Variants in FAM83G observed in about 807,000 individuals in gnomAD.
FAM83G encodes scaffolding CK1 anchoring protein G.
Under a neutral mutation model 61.5 loss-of-function variants are expected in FAM83G, and 38 were observed. The ratio of observed to expected loss-of-function variants is 0.62; its 90% CI spans 0.48 to 0.81. The LOEUF (loss-of-function observed/expected upper bound fraction) is 0.81. FAM83G is among the 30% of genes least tolerant of loss of function. The pLI, the probability that FAM83G is intolerant of heterozygous loss-of-function variation, is 0.00. For synonymous variants in FAM83G, 470 were observed against 476.1 expected (o/e 0.99, Z 0.17); for missense variants, 989 against 1,133.6 (o/e 0.87, Z 1.83).
chr17:18,978,088 G>C lies in FAM83G; in HGVS notation c.1578C>G (p.Val526=). The C allele has an allele frequency of 6.6e-7, 1 of 1,516,668 alleles. No individual in the cohort carries two copies. The allele number at this position is 1,516,668 out of a possible 1,614,324, so 94.0% of individuals were successfully genotyped here. A position where few individuals can be genotyped will look rare whatever the true frequency, so the allele number is the denominator to read the frequency against. ...GAGCTTCCTCTTTGGGGAGCTCCAG[G>C]ACCCAGCCAATATCACTGCTGTCCC... is the stretch of plus-strand genomic sequence containing the variant. ...LARDSSDIGW[V]LELPKEEAPQ... Residue 526 remains valine (V), a synonymous_variant, in exon 5 of 6, where the codon GTC becomes GTG. Transcript: ENST00000388995.
chr17:19,003,771 CGGGCCCCTG>C lies in FAM83G; in HGVS notation c.262_270del (p.Gln88_Pro90del). 6.2e-7 allele frequency: 1 copy of C among 1,610,040 alleles called. No homozygotes were observed. The highest frequency in any genetic ancestry group is 8.5e-7 in the Non-Finnish European group (1 of 1,178,786). On this transcript the variant is annotated inframe_deletion, in exon 2 of 6. Coordinates refer to ENST00000388995, the MANE Select transcript of FAM83G (RefSeq NM_001039999.3). This position sits in a 1 kb window ranked among gnomAD's most constrained non-coding sequence, Gnocchi z 4.5. ...TCGCCGTCGCCGACCCCATTGTCCT[CGGGCCCCTG>C]AGAGGGGCCCGTGCCCCGAGGGTCC...
intron 2 of FAM83G, among the ~76,000 whole-genome samples, chr17:18,992,460 A>C (rs1270575703): frequency 6.6e-6 from 1 of 152,064 alleles, no homozygotes; most frequent in Admixed American, 6.5e-5. Flanking sequence ...GGAGAACCCC[A>C]CCTGTGGCCA....
At chr17:19,002,208 A>G (rs1324517449) in intron 2 of FAM83G, among the ~76,000 whole-genome samples, 1 of 152,086 alleles carries the variant, frequency 6.6e-6, no homozygotes, top group Non-Finnish European at 1.5e-5. Context: ...TTTTATCCAC[A>G]CCACCTCCAT....
chr17:18,984,618 T>C (rs923989370), intron 3 of FAM83G, among the ~76,000 whole-genome samples: 1 of 152,226 alleles, frequency 6.6e-6, no homozygotes, highest in African/African-American at 2.4e-5. Context: ...TATTTCCAGT[T>C]TGGCTGCACG....
intron 2 of FAM83G, among the ~76,000 whole-genome samples, chr17:19,002,857 T>G (rs746837518): frequency 2.7e-5 from 4 of 150,598 alleles, no homozygotes; most frequent in Non-Finnish European, 6.0e-5. Context: ...TGAGGTCCCT[T>G]CCGGTGGCAA....
In FAM83G at chr17:19,002,716, C is replaced by T. The variant is rs138367705; in HGVS notation, c.522+804G>A. Among the ~76,000 whole-genome samples the T allele has an allele frequency of 3.2e-4, 49 of 152,344 alleles. 1 individual carries two copies. The East Asian group carries it at 5.0e-3, about 16-fold the overall frequency. On this transcript the variant is annotated intron_variant, in intron 2 of 5. Coordinates refer to ENST00000388995, the MANE Select transcript of FAM83G (RefSeq NM_001039999.3). ...ATGGTCACAACTGTCCAGCAGTGGC[C>T]TAGCTGTCTCTGCAAATGGCAAGCA...
chr17:18,989,399 T>C (rs925774962), intron 2 of FAM83G, among the ~76,000 whole-genome samples: 3 of 152,240 alleles, frequency 2.0e-5, no homozygotes, highest in African/African-American at 7.2e-5. Flanking sequence ...CAAAGTGAGC[T>C]CACCAGGCTG....
At chr17:18,981,028 C>T (rs1335864430) in intron 3 of FAM83G, among the ~76,000 whole-genome samples, 2 of 152,186 alleles carry the variant, frequency 1.3e-5, no homozygotes, top group Non-Finnish European at 2.9e-5. Flanking sequence ...CACTCACTGG[C>T]CCCAGCTTAT....
chr17:18,974,755 T>C (rs910473245), intron 5 of FAM83G, among the ~76,000 whole-genome samples: 2 of 152,192 alleles, frequency 1.3e-5, no homozygotes, highest in African/African-American at 4.8e-5. Flanking sequence ...ACTTAAGTCG[T>C]TGCAACAACT....
chr17:18,969,084 C>T lies in FAM83G; in HGVS notation c.*2275G>A. The T allele has an allele frequency of 4.3e-6, 7 of 1,614,106 alleles. No individual in the cohort carries two copies. Among genetic ancestry groups the T allele is most frequent in the African/African-American group, 1.3e-5 (1 of 75,056 alleles). On this transcript the variant is annotated 3_prime_UTR_variant, in exon 6 of 6. Coordinates refer to ENST00000388995, the MANE Select transcript of FAM83G (RefSeq NM_001039999.3). ...TGTACGCGGGGGCTCTGTTTGTGCA[C>T]ATCTGCCTGGGCTGGAACTTCTACC... is the stretch of plus-strand genomic sequence containing the variant.
intron 5 of FAM83G, chr17:18,976,772 T>A: frequency 1.9e-6 from 3 of 1,553,396 alleles, no homozygotes; most frequent in South Asian, 2.4e-5. Context: ...CTCATGCCCA[T>A]TCCCTGAGGC....
chr17:18,988,389 A>G lies in FAM83G; in HGVS notation c.548T>C (p.Phe183Ser). 6.2e-7 allele frequency: 1 copy of G among 1,614,166 alleles called. No homozygotes were observed. The highest frequency in any genetic ancestry group is 8.5e-7 in the Non-Finnish European group (1 of 1,180,024). ...QKVIAVVMDM[F>S]TDVDIFKDLL... ...GTCCTTGAAGATGTCCACGTCGGTG[A>G]ACATGTCCATGACCACAGCTATCAC... The change falls in exon 3 of 6, where the codon TTC becomes TCC. Residue 183 changes from phenylalanine (F) to serine (S), a missense_variant. Coordinates refer to ENST00000388995, the MANE Select transcript of FAM83G (RefSeq NM_001039999.3).
rs766972960 is a variant in FAM83G, at chr17:19,003,794, C to T, written c.248G>A (p.Gly83Asp). The T allele has an allele frequency of 6.2e-7, 1 of 1,612,368 alleles. No homozygotes were observed. Among genetic ancestry groups the T allele is most frequent in the South Asian group, 1.1e-5 (1 of 91,056 alleles). ...CTCGGGCCCCTGAGAGGGGCCCGTGCCCCGAGGGTCCTCAGAGCCCGGGTC... is the reference window on the plus strand; with the variant it reads ...CTCGGGCCCCTGAGAGGGGCCCGTGTCCCGAGGGTCCTCAGAGCCCGGGTC... ...VYDPGSEDPR[G>D]TGPSQGPEDN... Residue 83 changes from glycine to aspartate, a missense_variant, in exon 2 of 6, where the codon GGC becomes GAC. Physicochemically the swap from Gly to Asp is moderately conservative, Grantham distance 94. Transcript: ENST00000388995. The surrounding 1 kb of genome is among the most constrained non-coding windows in gnomAD (Gnocchi z 4.5).
intron 3 of FAM83G, among the ~76,000 whole-genome samples, chr17:18,982,250 T>C (rs1027468647): frequency 6.6e-6 from 1 of 152,112 alleles, no homozygotes; most frequent in Non-Finnish European, 1.5e-5. Context: ...AGGCCTGTTC[T>C]ACCTGGGGCT....
chr17:18,990,777 G>C (rs1424675464), intron 2 of FAM83G, among the ~76,000 whole-genome samples: 3 of 127,962 alleles, frequency 2.3e-5, no homozygotes, highest in Non-Finnish European at 4.9e-5. Flanking sequence ...GCTTATGCTG[G>C]GGATGGGGAG....
chr17:18,976,276 C>T (rs560487564), intron 5 of FAM83G: 1 of 152,500 alleles, frequency 6.6e-6, no homozygotes, highest in African/African-American at 2.4e-5. Context: ...CCGCTCCCTC[C>T]TCCCATTCTG....
At position 19,000,379 on chromosome 17, in the gene FAM83G, A is replaced by T. The variant is rs1424784739; in HGVS notation, c.522+3141T>A. ...CTGTTCCCATTTTACAGATGGGATG[A>T]CCGGGGCTTGGAGAGGAGCTGGGGC... On this transcript the variant is annotated intron_variant, in intron 2 of 5. Coordinates refer to ENST00000388995, the MANE Select transcript of FAM83G (RefSeq NM_001039999.3). The surrounding 1 kb of genome is among the most constrained non-coding windows in gnomAD (Gnocchi z 5.2). Among the ~76,000 whole-genome samples, 4 of 152,160 alleles carry T rather than the reference A, an allele frequency of 2.6e-5. No individual in the cohort carries two copies. Among genetic ancestry groups the T allele is most frequent in the Admixed American group, 2.6e-4 (4 of 15,276 alleles).
rs757082140 is a variant in FAM83G at position 18,973,438 on chromosome 17, G to A, written c.2083-1690C>T. Among the ~76,000 whole-genome samples, 78 of 152,372 alleles carry A rather than the reference G, an allele frequency of 5.1e-4. 1 individual carries two copies. The highest frequency in any genetic ancestry group is 9.0e-4 in the Non-Finnish European group (61 of 68,034). ...CAGGACACCAACCAGCATTGGAGCT[G>A]TAGCCTGGCCTCTGCCCTACCTCCC... On this transcript the variant is annotated intron_variant, in intron 5 of 5. Transcript: ENST00000388995.
rs752937192 is a variant in FAM83G, at chr17:18,977,782, A to G, written c.1884T>C (p.Pro628=). The change falls in exon 5 of 6, where the codon CCT becomes CCC. Residue 628 remains proline (P), a synonymous_variant. Transcript: ENST00000388995. ...EYFEVREHSV[P]LRRRHSEQVA... ...CTTGCTCTGAGTGGCGCCTCCGGAG[A>G]GGGACTGAGTGCTCTCTCACCTCGA... 1.3e-5 allele frequency: 21 copies of G among 1,602,232 alleles called. No homozygotes were observed. Among genetic ancestry groups the G allele is most frequent in the Non-Finnish European group, 1.7e-5 (20 of 1,174,030 alleles).
Sources: allele counts gnomAD v4.1 joint callset (sites outside exome capture counted in the v4.1 genomes callset), GRCh38; gene constraint gnomAD v4.1.1; non-coding constraint Gnocchi (gnomAD v3.1); transcripts MANE v1.5; gene names NCBI Gene and HGNC (gene_info 2026-07-23, HGNC 2026-07-21).